The following USP15 variants were observed in gnomAD, a reference collection of about 807,000 sequenced individuals.
USP15 encodes ubiquitin specific peptidase 15, also known as ubiquitin carboxyl-terminal hydrolase 15.
USP15 carries 18 observed loss-of-function variants against 127.1 expected under a neutral mutation model. The ratio of observed to expected loss-of-function variants is 0.14; its 90% CI spans 0.10 to 0.21. The LOEUF is 0.21. USP15 is among the 10% of genes least tolerant of loss of function. The pLI is 1.00. For missense variants in USP15, 805 were observed against 1,159.9 expected, an observed-to-expected ratio of 0.69 and a Z score of 4.44; for synonymous variants, 364 against 393.7, an observed-to-expected ratio of 0.92 and a Z score of 0.89.
chr12:62,392,086 G>A (rs1047926157), intron 17 of USP15, among the ~76,000 whole-genome samples, 186 bp from the exon 18 acceptor site: 3 of 151,714 alleles, frequency 2.0e-5, no homozygotes, highest in African/African-American at 4.8e-5. Context: ...CATTTTGAAC[G>A]TGTTTTGGTC....
At chr12:62,316,683 T>G (rs1448419364) in intron 4 of USP15, among the ~76,000 whole-genome samples, 1 of 152,018 alleles carries the variant, frequency 6.6e-6, no homozygotes, top group Non-Finnish European at 1.5e-5. Flanking sequence ...ATAGGAAAAT[T>G]AAATATGAGA....
intron 1 of USP15, among the ~76,000 whole-genome samples, chr12:62,260,727 AGCG>A (rs879098451): frequency 1.3e-5 from 2 of 151,920 alleles, no homozygotes; most frequent in Admixed American, 6.5e-5. Flanking sequence ...GTATCCGGGG[AGCG>A]GCGGCGGCGG....
chr12:62,301,330 C>G (rs538386723), intron 2 of USP15, among the ~76,000 whole-genome samples: 2 of 152,212 alleles, frequency 1.3e-5, no homozygotes, highest in East Asian at 3.9e-4. Flanking sequence ...TCATTCCACT[C>G]CTAGGTATTT....
At chr12:62,262,527 T>A (rs2063096856) in intron 1 of USP15, among the ~76,000 whole-genome samples, 1 of 152,218 alleles carries the variant, frequency 6.6e-6, no homozygotes, top group Non-Finnish European at 1.5e-5. Flanking sequence ...TATAGAGTAA[T>A]TGGTAGCATT....
Position 62,405,454 on chromosome 12 carries a change from G to A in USP15, c.*1079G>A, listed in dbSNP as rs561104817. The stretch of plus-strand genomic sequence containing the variant: ...AAGGTAACTTGTTATAAGAGAAATG[G>A]CATTTGCATGTTCCAGAGTCAGAAC... On this transcript the variant is annotated 3_prime_UTR_variant, in exon 22 of 22. Transcript: ENST00000280377. The A allele has an allele frequency of 2.0e-5, 3 of 152,660 alleles. No homozygotes were observed. Among genetic ancestry groups the A allele is most frequent in the Admixed American group, 2.0e-4 (3 of 15,286 alleles). The allele number at this position is 152,660 out of a possible 1,614,324, so 9.5% of individuals were successfully genotyped here.
At chr12:62,319,574 A>G (rs2064927383) in intron 4 of USP15, among the ~76,000 whole-genome samples, 1 of 152,108 alleles carries the variant, frequency 6.6e-6, no homozygotes, top group Admixed American at 6.6e-5. Context: ...CACTTATTCT[A>G]CTTCAGCCAC....
intron 4 of USP15, among the ~76,000 whole-genome samples, chr12:62,319,569 A>G (rs991814391): frequency 3.3e-5 from 5 of 152,164 alleles, no homozygotes; most frequent in African/African-American, 1.2e-4. Flanking sequence ...TACCTCACTT[A>G]TTCTACTTCA....
chr12:62,298,300 G>A (rs1033449182), intron 2 of USP15, among the ~76,000 whole-genome samples: 2 of 152,106 alleles, frequency 1.3e-5, no homozygotes, highest in Admixed American at 6.6e-5. Flanking sequence ...CAAAGTGGAC[G>A]GATCACATGA....
intron 1 of USP15, among the ~76,000 whole-genome samples, chr12:62,279,378 AT>A (rs982840242): frequency 3.7e-4 from 56 of 152,076 alleles, no homozygotes; most frequent in African/African-American, 1.3e-3. Flanking sequence ...TCTTTCATCC[AT>A]CAAAAGACAT....
chr12:62,317,174 A>G (rs1270896655), intron 4 of USP15, among the ~76,000 whole-genome samples: 1 of 152,152 alleles, frequency 6.6e-6, no homozygotes. Flanking sequence ...TCTGTGGTAG[A>G]ATGAGTCTTC....
At chr12:62,356,973 A>G (rs1172650514) in intron 8 of USP15, among the ~76,000 whole-genome samples, 1 of 152,018 alleles carries the variant, frequency 6.6e-6, no homozygotes, top group Non-Finnish European at 1.5e-5. Flanking sequence ...TCACCAAGTT[A>G]TATTAATTTT....
At chr12:62,343,921 A>G (rs879512540) in intron 6 of USP15, among the ~76,000 whole-genome samples, 1 of 152,170 alleles carries the variant, frequency 6.6e-6, no homozygotes, top group South Asian at 2.1e-4. Context: ...AACAGCATGG[A>G]AAAGACTCGC....
intron 7 of USP15, among the ~76,000 whole-genome samples, chr12:62,351,579 G>C (rs2065968510): frequency 6.6e-6 from 1 of 151,922 alleles, no homozygotes; most frequent in Non-Finnish European, 1.5e-5. Flanking sequence ...GTTTTGTTCT[G>C]TTTGCATTCT....
chr12:62,275,187 G>A (rs1479227816), intron 1 of USP15, among the ~76,000 whole-genome samples: 3 of 151,930 alleles, frequency 2.0e-5, no homozygotes, highest in Non-Finnish European at 2.9e-5. Context: ...AGGTTGAGAT[G>A]TCTGGAAAAT....
At chr12:62,268,699 G>A (rs769155018) in intron 1 of USP15, among the ~76,000 whole-genome samples, 39 of 152,074 alleles carry the variant, frequency 2.6e-4, no homozygotes, top group Middle Eastern at 6.8e-3. Context: ...CCAAATTTGT[G>A]GCCCCTCCAT....
intron 3 of USP15, among the ~76,000 whole-genome samples, chr12:62,309,200 A>G (rs1380841345): frequency 6.6e-6 from 1 of 152,108 alleles, no homozygotes. Flanking sequence ...GTTTAAGAAT[A>G]AAAAGAGAGT....
rs547478017 is a variant in USP15, at chr12:62,357,803, T to G, written c.915+2328T>G. ...CCATGATTTTTAATTGATTAAGATGTCAGCTCTCGAGCTGAAAATTGACTG... is the reference window on the plus strand; with the variant it reads ...CCATGATTTTTAATTGATTAAGATGGCAGCTCTCGAGCTGAAAATTGACTG... On this transcript the variant is annotated intron_variant, in intron 8 of 21. Coordinates refer to ENST00000280377, the MANE Select transcript of USP15 (RefSeq NM_001252078.2). Among the ~76,000 whole-genome samples, 3 of 152,258 alleles carry G rather than the reference T, an allele frequency of 2.0e-5. No homozygotes were observed. In the East Asian group the frequency reaches 5.8e-4, roughly 29 times the overall value.
chr12:62,363,421 C>G (rs141780663), intron 8 of USP15, among the ~76,000 whole-genome samples: 1 of 152,066 alleles, frequency 6.6e-6, no homozygotes, highest in Admixed American at 6.6e-5. Context: ...GTGCCAAGAG[C>G]GTGCCTGCCT....
At chr12:62,293,166 T>C (rs937782585) in intron 1 of USP15, among the ~76,000 whole-genome samples, 5 of 152,192 alleles carry the variant, frequency 3.3e-5, no homozygotes, top group African/African-American at 1.2e-4. Context: ...ACTAGCACTC[T>C]GCCACAGGAA....
Sources: gnomAD v4.1 joint callset for allele counts (sites outside exome capture counted in the v4.1 genomes callset) on GRCh38, gnomAD v4.1.1 for gene constraint, MANE v1.5 for transcripts, NCBI Gene and HGNC (gene_info 2026-07-23, HGNC 2026-07-21) for gene names.